MCTP2: variants seen among roughly 807,000 people sequenced by gnomAD.
The protein encoded by MCTP2 is multiple C2 and transmembrane domain-containing protein 2.
Under a neutral mutation model 111.6 loss-of-function variants are expected in MCTP2, and 132 were observed. That is an observed-to-expected ratio of 1.18 (90% confidence interval 1.03 to 1.37). MCTP2 has a LOEUF of 1.37. Among genes scored for constraint, MCTP2 ranks in the 40% most tolerant of loss-of-function variants. MCTP2 has a pLI of 0.00. For synonymous variants in MCTP2, 395 were observed against 387.7 expected, an observed-to-expected ratio of 1.02 and a Z score of -0.22; for missense variants, 1,183 against 1,067.9, an observed-to-expected ratio of 1.11 and a Z score of -1.50.
chr15:94,483,885 T>G lies in MCTP2; in HGVS notation c.*4851T>G, dbSNP rs576424026. The G allele has an allele frequency of 6.6e-6, 1 of 152,184 alleles. No individual in the cohort carries two copies. The highest frequency in any genetic ancestry group is 1.5e-5 in the Non-Finnish European group (1 of 68,020). 9.4% of individuals were successfully genotyped at this position (152,184 alleles called of 1,614,324 possible). A position where few individuals can be genotyped will look rare whatever the true frequency, so the allele number is the denominator to read the frequency against. On this transcript the variant is annotated 3_prime_UTR_variant, in exon 23 of 23. Coordinates refer to ENST00000357742, the MANE Select transcript of MCTP2 (RefSeq NM_001385001.1). ...TGTTCTATCAAAACCTGCCTCTCAT[T>G]TATGTATTAGGAATCTTGTGACAAC...
intron 19 of MCTP2, among the ~76,000 whole-genome samples, chr15:94,456,618 A>AT (rs1242164698): frequency 6.6e-6 from 1 of 152,236 alleles, no homozygotes; most frequent in Non-Finnish European, 1.5e-5. Flanking sequence ...AAACTGAGGA[A>AT]TTAGAGTAAG....
intron 1 of MCTP2, among the ~76,000 whole-genome samples, chr15:94,288,597 T>C (rs1226416457): frequency 6.6e-6 from 1 of 152,188 alleles, no homozygotes; most frequent in Admixed American, 6.5e-5. Flanking sequence ...TTTGTAGACT[T>C]AAATAAAGCA....
chr15:94,283,061 CAGA>C (rs2074570242), intron 1 of MCTP2, among the ~76,000 whole-genome samples: 1 of 151,836 alleles, frequency 6.6e-6, no homozygotes, highest in Non-Finnish European at 1.5e-5. Context: ...GTGCACCAGG[CAGA>C]AGAAGGCTGT....
chr15:94,318,545 T>A (rs149864158), intron 4 of MCTP2, among the ~76,000 whole-genome samples: 2,197 of 152,272 alleles, frequency 0.014, 65 homozygotes, highest in African/African-American at 0.05. Context: ...AGTGCTAGGA[T>A]TACAGGTGTG....
intron 19 of MCTP2, among the ~76,000 whole-genome samples, chr15:94,455,707 G>A (rs749451272): frequency 2.0e-4 from 31 of 152,166 alleles, no homozygotes; most frequent in Non-Finnish European, 3.7e-4. Context: ...TTACAGGCGT[G>A]AGCCACCATG....
chr15:94,393,143 G>A (rs956490062), intron 14 of MCTP2, among the ~76,000 whole-genome samples: 4 of 151,994 alleles, frequency 2.6e-5, no homozygotes, highest in African/African-American at 9.7e-5. Flanking sequence ...AAAACATTTT[G>A]GAGTGACTAA....
chr15:94,438,706 GTTT>G (rs1471856048), intron 17 of MCTP2, among the ~76,000 whole-genome samples: 4 of 152,024 alleles, frequency 2.6e-5, no homozygotes, highest in Non-Finnish European at 5.9e-5. Flanking sequence ...TTTAAAACAT[GTTT>G]TTATTAGGTT....
At chr15:94,421,963 G>C (rs1241372400) in intron 17 of MCTP2, among the ~76,000 whole-genome samples, 1 of 152,154 alleles carries the variant, frequency 6.6e-6, no homozygotes, top group East Asian at 1.9e-4. Flanking sequence ...AGCAAGCTCT[G>C]GTTTCTTGCA....
At chr15:94,445,618 A>G (rs1364829925) in intron 19 of MCTP2, among the ~76,000 whole-genome samples, 1 of 152,102 alleles carries the variant, frequency 6.6e-6, no homozygotes, top group Non-Finnish European at 1.5e-5. Context: ...TCTCCCACCG[A>G]GGTATGCTTG....
At chr15:94,240,719 A>G (rs1174846536) in intron 1 of MCTP2, among the ~76,000 whole-genome samples, 2 of 152,150 alleles carry the variant, frequency 1.3e-5, no homozygotes, top group South Asian at 4.1e-4. Flanking sequence ...GTAATCTGGA[A>G]AAGTCTCTAT....
chr15:94,297,928 A>ATT (rs34773310), intron 1 of MCTP2, among the ~76,000 whole-genome samples: 5 of 143,542 alleles, frequency 3.5e-5, no homozygotes, highest in African/African-American at 1.3e-4. Context: ...TTCATGAAGC[A>ATT]TTTTTTTTTT....
intron 2 of MCTP2, among the ~76,000 whole-genome samples, chr15:94,303,529 C>T (rs534988993): frequency 2.0e-5 from 3 of 152,200 alleles, no homozygotes; most frequent in South Asian, 2.1e-4. Context: ...TTATATCCTT[C>T]GGTCTAATCA....
intron 1 of MCTP2, among the ~76,000 whole-genome samples, chr15:94,263,551 T>G (rs1451507634): frequency 6.6e-6 from 1 of 152,200 alleles, no homozygotes; most frequent in Non-Finnish European, 1.5e-5. Context: ...ACATGTGTCT[T>G]CTCTGTAAGA....
At chr15:94,353,257 T>C (rs1266701484) in intron 8 of MCTP2, among the ~76,000 whole-genome samples, 2 of 152,124 alleles carry the variant, frequency 1.3e-5, no homozygotes, top group East Asian at 3.9e-4. Context: ...ATAATCCAGA[T>C]GTTATGGTGT....
rs2079760244 is a variant in MCTP2, at chr15:94,376,141, CAG to C, written c.1582+5962_1582+5963del. On this transcript the variant is annotated intron_variant, in intron 12 of 22. Transcript: ENST00000357742. The stretch of plus-strand genomic sequence containing the variant: ...AACAGATGGAGACCTTCTTCAAAAT[CAG>C]GGGGTTGCATTTCCAGTTCACTGGT... Among the ~76,000 whole-genome samples the C allele has an allele frequency of 2.0e-5, 3 of 152,304 alleles. No homozygotes were observed. In the South Asian group the frequency reaches 6.2e-4, roughly 32 times the overall value.
chr15:94,336,378 C>T (rs1319409384), intron 4 of MCTP2, among the ~76,000 whole-genome samples: 1 of 152,170 alleles, frequency 6.6e-6, no homozygotes, highest in Non-Finnish European at 1.5e-5. Context: ...ACACTTCCTT[C>T]TTGGACTTTG....
At position 94,298,485 on chromosome 15, in the gene MCTP2, T is replaced by A. The variant is rs1348510856; in HGVS notation, c.220T>A (p.Ser74Thr). The part of the protein sequence containing the change: ...EGRPYSGPQS[S>T]YTSVPSSLST... Reference sequence around the variant, plus strand: ...CCGGCCTTACTCCGGGCCACAGTCTTCCTACACCTCGGTGCCCAGCAGTCT... The same window carrying A: ...CCGGCCTTACTCCGGGCCACAGTCTACCTACACCTCGGTGCCCAGCAGTCT... Residue 74 changes from serine to threonine, a missense_variant, in exon 2 of 23, where the codon TCC becomes ACC. Ser to Thr is a moderately conservative substitution (Grantham distance 58, BLOSUM62 1). Coordinates refer to ENST00000357742, the MANE Select transcript of MCTP2 (RefSeq NM_001385001.1). The A allele has an allele frequency of 6.2e-7, 1 of 1,614,088 alleles. No individual in the cohort carries two copies. The highest frequency in any genetic ancestry group is 8.5e-7 in the Non-Finnish European group (1 of 1,179,976).
chr15:94,479,093 G>A lies in MCTP2; in HGVS notation c.*59G>A. ...ATTGTGTTTGGTTGAGTAGACCAATGTTATGGCTGTTTCAGTGGTACCCAA... is the reference window on the plus strand; with the variant it reads ...ATTGTGTTTGGTTGAGTAGACCAATATTATGGCTGTTTCAGTGGTACCCAA... On this transcript the variant is annotated 3_prime_UTR_variant, in exon 23 of 23. Transcript: ENST00000357742. 1 of 1,519,006 alleles carries A rather than the reference G, an allele frequency of 6.6e-7. No homozygotes were observed. Among genetic ancestry groups the A allele is most frequent in the African/African-American group, 1.4e-5 (1 of 72,590 alleles). The allele number at this position is 1,519,006 out of a possible 1,614,324, so 94.1% of individuals were successfully genotyped here.
chr15:94,347,897 G>C (rs1465174460), intron 8 of MCTP2, among the ~76,000 whole-genome samples: 4 of 123,466 alleles, frequency 3.2e-5, no homozygotes, highest in East Asian at 2.2e-4. Flanking sequence ...CACACACACA[G>C]ACATACACAC....
Sources: gnomAD v4.1 joint callset for allele counts (sites outside exome capture counted in the v4.1 genomes callset) on GRCh38, gnomAD v4.1.1 for gene constraint, MANE v1.5 for transcripts, NCBI Gene and HGNC (gene_info 2026-07-23, HGNC 2026-07-21) for gene names.